The following UACA variants were observed in gnomAD, a reference collection of about 807,000 sequenced individuals.
UACA encodes the protein uveal autoantigen with coiled-coil domains and ankyrin repeats, also known as nuclear membrane binding protein.
A neutral mutation model predicts 160.5 loss-of-function variants in UACA; 112 were observed. That is an observed-to-expected ratio of 0.70 (90% CI 0.60 to 0.82). The LOEUF is 0.82. Ranked by LOEUF, UACA falls within the 40% of genes least tolerant of loss-of-function variation. The pLI, the probability that UACA is intolerant of heterozygous loss-of-function variation, is 0.00. For missense variants in UACA, 1,574 were observed against 1,614.6 expected (o/e 0.97, Z 0.43); for synonymous variants, 557 against 568.4 (o/e 0.98, Z 0.29).
At chr15:70,662,993 A>G (rs1329367429) in intron 17 of UACA, among the ~76,000 whole-genome samples, 5 of 151,648 alleles carry the variant, frequency 3.3e-5, no homozygotes, top group African/African-American at 9.7e-5. Flanking sequence ...AATGGCAACA[A>G]AAGCCAAAAT....
chr15:70,662,378 G>A (rs1595865738), intron 17 of UACA, among the ~76,000 whole-genome samples: 3 of 152,160 alleles, frequency 2.0e-5, no homozygotes, highest in East Asian at 3.9e-4. Flanking sequence ...AAACAAATGG[G>A]AGAACATTCC....
At chr15:70,716,693 T>C (rs1198881664) in intron 1 of UACA, among the ~76,000 whole-genome samples, 1 of 152,136 alleles carries the variant, frequency 6.6e-6, no homozygotes, top group Non-Finnish European at 1.5e-5. Context: ...TTTACCCTCC[T>C]AAAAGAAGGA....
At chr15:70,671,010 T>C in intron 15 of UACA, 29 bp downstream of exon 15, 1 of 1,479,444 alleles carries the variant, frequency 6.8e-7, no homozygotes, top group Non-Finnish European at 9.0e-7. Context: ...TAAATGTTTT[T>C]TAAAATTAAA....
intron 1 of UACA, among the ~76,000 whole-genome samples, chr15:70,762,966 G>A (rs2030864152): frequency 6.6e-6 from 1 of 150,812 alleles, no homozygotes; most frequent in African/African-American, 2.5e-5. Flanking sequence ...AGCAGGGCGA[G>A]CGCCGGGAGA....
At chr15:70,685,319 G>C (rs949991518) in intron 7 of UACA, among the ~76,000 whole-genome samples, 4 of 152,048 alleles carry the variant, frequency 2.6e-5, no homozygotes, top group Admixed American at 6.6e-5. Flanking sequence ...TTTTAGGATG[G>C]GGCTAACCAA....
At chr15:70,769,239 T>G in the UACA span, among the ~76,000 whole-genome samples, 18 of 145,250 alleles carry the variant, frequency 1.2e-4, no homozygotes, top group East Asian at 1.0e-3. Flanking sequence ...CTCAGGAGGC[T>G]GAGGCAGGAG....
At chr15:70,685,310 T>C (rs1239439432) in intron 7 of UACA, among the ~76,000 whole-genome samples, 1 of 152,202 alleles carries the variant, frequency 6.6e-6, no homozygotes, top group Non-Finnish European at 1.5e-5. Context: ...TCCTCTATTT[T>C]TTAGGATGGG....
At chr15:70,679,773 G>C (rs957245097) in intron 9 of UACA, 97 bp from the exon 10 acceptor site, 1 of 705,012 alleles carries the variant, frequency 1.4e-6, no homozygotes, top group Non-Finnish European at 2.4e-6. Context: ...GTGATTTTCA[G>C]TTTATCCAAC....
chr15:70,741,611 T>C (rs1304254247), intron 1 of UACA, among the ~76,000 whole-genome samples: 2 of 152,250 alleles, frequency 1.3e-5, no homozygotes, highest in Non-Finnish European at 2.9e-5. Context: ...ACAATTTCAA[T>C]GAAAATGTTA....
rs1392537941 is a variant in UACA at position 70,659,409 on chromosome 15, T to G, written c.4179+742A>C. Among the ~76,000 whole-genome samples the G allele has an allele frequency of 7.6e-5, 10 of 132,036 alleles. No individual in the cohort carries two copies. The East Asian group carries it at 1.3e-3, about 17-fold the overall frequency. 86.6% of individuals were successfully genotyped at this position (132,036 alleles called of 152,430 possible). A position where few individuals can be genotyped will look rare whatever the true frequency, so the allele number is the denominator to read the frequency against. The stretch of plus-strand genomic sequence containing the variant: ...ATTTTTTGTTTGTTTTTTTTTTTTT[T>G]TTTTTTTTTTTTTGCTTGTTTTTAC... On this transcript the variant is annotated intron_variant, in intron 18 of 18. Coordinates refer to ENST00000322954, the MANE Select transcript of UACA (RefSeq NM_018003.4).
intron 1 of UACA, among the ~76,000 whole-genome samples, chr15:70,736,116 A>C (rs1899357374): frequency 6.6e-6 from 1 of 152,200 alleles, no homozygotes; most frequent in Non-Finnish European, 1.5e-5. Flanking sequence ...CTTTAAGGGA[A>C]ACACCTCTGG....
the UACA span, among the ~76,000 whole-genome samples, chr15:70,773,397 A>G: frequency 6.6e-6 from 1 of 152,230 alleles, no homozygotes; most frequent in African/African-American, 2.4e-5. Flanking sequence ...GCAGCTGGAT[A>G]ATGACAAGAC....
rs758459810 is a variant in UACA at position 70,668,681 on chromosome 15, T to C, written c.2003A>G (p.Lys668Arg). The C allele has an allele frequency of 6.2e-7, 1 of 1,614,102 alleles. No individual in the cohort carries two copies. Among genetic ancestry groups the C allele is most frequent in the South Asian group, 1.1e-5 (1 of 91,068 alleles). The change falls in exon 16 of 19, where the codon AAG becomes AGG. Residue 668 changes from lysine (K) to arginine (R), a missense_variant. Transcript: ENST00000322954. ...GGCCTTAACATTCTCAAGTTCTCTC[T>C]TTAACTGTCTAATTTCACTAAGTGA... ...EKSLSEIRQL[K>R]RELENVKAKL...
At chr15:70,759,472 G>A (rs550397008) in intron 1 of UACA, among the ~76,000 whole-genome samples, 3 of 152,274 alleles carry the variant, frequency 2.0e-5, no homozygotes, top group African/African-American at 7.2e-5. Flanking sequence ...CCTGGCCAAT[G>A]TGGTGAAACC....
intron 1 of UACA, among the ~76,000 whole-genome samples, chr15:70,748,370 G>A (rs1477118373): frequency 5.9e-5 from 9 of 151,626 alleles, no homozygotes; most frequent in Admixed American, 1.3e-4. Flanking sequence ...AAACATGGGT[G>A]ACACAGTCTT....
chr15:70,766,903 G>T (rs907431589), upstream of UACA, among the ~76,000 whole-genome samples: 1 of 152,140 alleles, frequency 6.6e-6, no homozygotes, highest in Admixed American at 6.6e-5. Context: ...GATGATAACG[G>T]CAAAAACGAT....
At chr15:70,769,973 G>T in the UACA span, among the ~76,000 whole-genome samples, 12 of 152,064 alleles carry the variant, frequency 7.9e-5, no homozygotes, top group African/African-American at 1.7e-4. Flanking sequence ...CTCTAGCCTG[G>T]GCAACACAGC....
intron 18 of UACA, among the ~76,000 whole-genome samples, chr15:70,658,858 T>C (rs765222968): frequency 2.6e-5 from 4 of 152,372 alleles, no homozygotes; most frequent in Non-Finnish European, 4.4e-5. Context: ...ACTGAATTTC[T>C]TAGTTAACTT....
intron 5 of UACA, among the ~76,000 whole-genome samples, 157 bp from the exon 6 acceptor site, chr15:70,687,977 T>C (rs7168338): frequency 0.13 from 19,675 of 152,178 alleles, 1,488 homozygotes; most frequent in African/African-American, 0.2. Context: ...CAATTTTTCA[T>C]CTGAAAATGG....
Sources: allele counts gnomAD v4.1 joint callset (sites outside exome capture counted in the v4.1 genomes callset), GRCh38; gene constraint gnomAD v4.1.1; transcripts MANE v1.5; gene names NCBI Gene and HGNC (gene_info 2026-07-23, HGNC 2026-07-21).